Variants in LHFPL3 observed in about 807,000 individuals in gnomAD.
LHFPL3 encodes the protein LHFPL tetraspan subfamily member 3 protein.
In LHFPL3, 5 loss-of-function variants were observed where a neutral mutation model predicts 19.3. The ratio of observed to expected loss-of-function variants is 0.26; its 90% CI spans 0.14 to 0.54. LHFPL3 has a LOEUF of 0.54. Among genes scored for constraint, LHFPL3 ranks in the 20% least tolerant of loss-of-function variants. The pLI is 0.94. For synonymous variants in LHFPL3, 133 were observed against 126.2 expected, an observed-to-expected ratio of 1.05 and a Z score of -0.36; for missense variants, 249 against 307.4, an observed-to-expected ratio of 0.81 and a Z score of 1.42.
intron 1 of LHFPL3, among the ~76,000 whole-genome samples, chr7:104,610,135 A>G (rs905098873): frequency 6.6e-6 from 1 of 152,328 alleles, no homozygotes; most frequent in East Asian, 1.9e-4. Context: ...CTAGCAATCC[A>G]ATACAATAAG....
In LHFPL3 at chr7:104,658,993, T is replaced by C. The variant is rs556831809; in HGVS notation, c.446-77682T>C. Among the ~76,000 whole-genome samples the C allele has an allele frequency of 7.9e-5, 12 of 152,292 alleles. No individual in the cohort carries two copies. The East Asian group carries it at 1.4e-3, about 17-fold the overall frequency. On this transcript the variant is annotated intron_variant, in intron 1 of 2. Coordinates refer to ENST00000424859, the MANE Select transcript of LHFPL3 (RefSeq NM_199000.3). ...CTTTATTAGATCCTCAAGATTGGCA[T>C]GTGAAGTAGAAATTTACCGAGGTTC...
At chr7:104,600,920 T>C (rs1584430969) in intron 1 of LHFPL3, among the ~76,000 whole-genome samples, 1 of 152,192 alleles carries the variant, frequency 6.6e-6, no homozygotes, top group Non-Finnish European at 1.5e-5. Flanking sequence ...TGTGTTCATA[T>C]GTAATGTCTC....
At chr7:104,528,699 A>G (rs1210839021) in intron 1 of LHFPL3, among the ~76,000 whole-genome samples, 1 of 152,202 alleles carries the variant, frequency 6.6e-6, no homozygotes, top group Non-Finnish European at 1.5e-5. Flanking sequence ...TGAGAATACC[A>G]AGCTTTTTTC....
chr7:104,541,464 C>A (rs1428004955), intron 1 of LHFPL3, among the ~76,000 whole-genome samples: 2 of 152,114 alleles, frequency 1.3e-5, no homozygotes, highest in African/African-American at 2.4e-5. Context: ...TCCCCAGACA[C>A]AGGAGAGCCA....
intron 1 of LHFPL3, among the ~76,000 whole-genome samples, chr7:104,382,004 T>G (rs2116453013): frequency 6.6e-6 from 1 of 152,304 alleles, no homozygotes; most frequent in African/African-American, 2.4e-5. Context: ...ATATTTAGCT[T>G]CCCTTCCCTC....
chr7:104,792,825 A>G (rs1790051289), intron 2 of LHFPL3, among the ~76,000 whole-genome samples: 1 of 152,222 alleles, frequency 6.6e-6, no homozygotes, highest in African/African-American at 2.4e-5. Flanking sequence ...AGGATGTGTG[A>G]CCAAAAGATG....
chr7:104,827,708 T>C (rs184666086), intron 2 of LHFPL3, among the ~76,000 whole-genome samples: 10 of 152,012 alleles, frequency 6.6e-5, no homozygotes, highest in Admixed American at 3.9e-4. Context: ...AATTAATTTA[T>C]TTGTGTCTTT....
chr7:104,338,477 T>C (rs1275284215), intron 1 of LHFPL3, among the ~76,000 whole-genome samples: 1 of 152,178 alleles, frequency 6.6e-6, no homozygotes, highest in Non-Finnish European at 1.5e-5. Context: ...TAAAATGTAT[T>C]ACTGTAGGCT....
chr7:104,536,836 A>G (rs916950809), intron 1 of LHFPL3, among the ~76,000 whole-genome samples: 3 of 152,214 alleles, frequency 2.0e-5, no homozygotes, highest in African/African-American at 2.4e-5. Context: ...ATACATTTAC[A>G]ATAGAACATG....
chr7:104,552,808 C>A (rs2115914118), intron 1 of LHFPL3, among the ~76,000 whole-genome samples: 1 of 152,138 alleles, frequency 6.6e-6, no homozygotes, highest in Non-Finnish European at 1.5e-5. Flanking sequence ...ATTGCTATCT[C>A]CTAATTTTCT....
At chr7:104,823,839 ATTCAAAAAAGATTTAGGAGCC>A (rs1790725663) in intron 2 of LHFPL3, among the ~76,000 whole-genome samples, 1 of 152,014 alleles carries the variant, frequency 6.6e-6, no homozygotes, top group African/African-American at 2.4e-5. Context: ...CTAATAAACT[ATTCAAAAAAGATTTAGGAGCC>A]TGGGGCCAGG....
chr7:104,446,253 T>C (rs1323444344), intron 1 of LHFPL3, among the ~76,000 whole-genome samples: 1 of 152,178 alleles, frequency 6.6e-6, no homozygotes, highest in East Asian at 1.9e-4. Flanking sequence ...TGGTCTCTTA[T>C]AGGAGGAAGG....
chr7:104,561,995 A>G (rs1006009362), intron 1 of LHFPL3, among the ~76,000 whole-genome samples: 4 of 152,150 alleles, frequency 2.6e-5, no homozygotes, highest in African/African-American at 9.7e-5. Context: ...TTCTTTAAGA[A>G]TGTTGACTAT....
At chr7:104,484,477 G>T (rs1793200564) in intron 1 of LHFPL3, among the ~76,000 whole-genome samples, 1 of 152,032 alleles carries the variant, frequency 6.6e-6, no homozygotes. Flanking sequence ...AAATCAATGG[G>T]GTATGTTTTC....
intron 1 of LHFPL3, among the ~76,000 whole-genome samples, chr7:104,439,244 C>A (rs991655510): frequency 6.6e-6 from 1 of 152,044 alleles, no homozygotes; most frequent in African/African-American, 2.4e-5. Context: ...TGTGCCCAGC[C>A]CTACAAACTC....
chr7:104,703,041 T>C (rs115387360), intron 1 of LHFPL3, among the ~76,000 whole-genome samples: 1,535 of 152,358 alleles, frequency 0.01, 38 homozygotes, highest in African/African-American at 0.035. Context: ...TAAAGATTTC[T>C]ATTTCTTCTA....
intron 1 of LHFPL3, among the ~76,000 whole-genome samples, chr7:104,356,545 C>T (rs1562873499): frequency 6.6e-6 from 1 of 152,086 alleles, no homozygotes; most frequent in Non-Finnish European, 1.5e-5. Flanking sequence ...CATCTTGGAA[C>T]AGGTGGAGTA....
intron 1 of LHFPL3, among the ~76,000 whole-genome samples, chr7:104,465,988 T>G (rs570811116): frequency 2.0e-5 from 3 of 152,246 alleles, no homozygotes; most frequent in Non-Finnish European, 4.4e-5. Flanking sequence ...GTTTCAATTA[T>G]GTGATTGATT....
chr7:104,810,812 T>A (rs1001990823), intron 2 of LHFPL3, among the ~76,000 whole-genome samples: 2 of 152,336 alleles, frequency 1.3e-5, no homozygotes, highest in South Asian at 4.1e-4. Context: ...CAGAAGTAGG[T>A]CAGAGCTTGA....
Sources: allele counts gnomAD v4.1 joint callset (sites outside exome capture counted in the v4.1 genomes callset), GRCh38; gene constraint gnomAD v4.1.1; transcripts MANE v1.5; gene names NCBI Gene and HGNC (gene_info 2026-07-23, HGNC 2026-07-21).